Variants in COL23A1 observed in about 807,000 individuals in gnomAD.
The protein encoded by COL23A1 is collagen alpha-1(XXIII) chain.
Under a neutral mutation model 99.3 loss-of-function variants are expected in COL23A1, and 97 were observed. That is an observed-to-expected ratio of 0.98 (90% CI 0.83 to 1.16). The LOEUF is 1.16. Ranked by LOEUF, COL23A1 falls within the 50% of genes most tolerant of loss-of-function variation. The pLI, the probability that COL23A1 is intolerant of heterozygous loss-of-function variation, is 0.00. For missense variants in COL23A1, 762 were observed against 757.4 expected (o/e 1.01, Z -0.07); for synonymous variants, 320 against 308.2 (o/e 1.04, Z -0.40).
At position 178,366,111 on chromosome 5, in the gene COL23A1, CCATCTGTTAAAGCTCCA is replaced by C. The variant is rs1762461982; in HGVS notation, c.362-59209_362-59193del. On this transcript the variant is annotated intron_variant, in intron 2 of 28. Transcript: ENST00000390654. The surrounding 1 kb of genome is among the most constrained non-coding windows in gnomAD (Gnocchi z 4.4). ...AGCATCTGGCCCAGCCCCATGGGGA[CCATCTGTTAAAGCTCCA>C]TCTACCCTACGAGGAGGCGAGTCCC... is the stretch of plus-strand genomic sequence containing the variant. Among the ~76,000 whole-genome samples, 1 of 152,146 alleles carries C rather than the reference CCATCTGTTAAAGCTCCA, an allele frequency of 6.6e-6. No homozygotes were observed. Among genetic ancestry groups the C allele is most frequent in the Non-Finnish European group, 1.5e-5 (1 of 68,018 alleles).
At chr5:178,266,008 G>A (rs1211856823) in intron 8 of COL23A1, among the ~76,000 whole-genome samples, 1 of 152,156 alleles carries the variant, frequency 6.6e-6, no homozygotes, top group African/African-American at 2.4e-5. Flanking sequence ...GGGGCCATGA[G>A]AGATAATGGC....
intron 1 of COL23A1, among the ~76,000 whole-genome samples, chr5:178,577,287 C>T (rs910036690): frequency 2.6e-5 from 4 of 152,164 alleles, no homozygotes; most frequent in African/African-American, 4.8e-5. Context: ...GTGCTGGCCG[C>T]GTCTCCCCTC....
chr5:178,560,219 T>C (rs1382415239), intron 2 of COL23A1, among the ~76,000 whole-genome samples: 2 of 152,170 alleles, frequency 1.3e-5, no homozygotes, highest in Admixed American at 1.3e-4. Flanking sequence ...TCATTGCCTG[T>C]TTCCTTCCTC....
chr5:178,464,216 G>C (rs553609838), intron 2 of COL23A1, among the ~76,000 whole-genome samples: 1 of 152,148 alleles, frequency 6.6e-6, no homozygotes, highest in East Asian at 1.9e-4. Context: ...ACTAACTCCC[G>C]ATTCGGCACT....
intron 2 of COL23A1, among the ~76,000 whole-genome samples, chr5:178,348,643 C>G (rs369444387): frequency 6.6e-6 from 1 of 152,220 alleles, no homozygotes; most frequent in Non-Finnish European, 1.5e-5. Flanking sequence ...GGCTGCAGAG[C>G]ATTCTGCCTC....
chr5:178,459,699 T>G (rs896776423), intron 2 of COL23A1, among the ~76,000 whole-genome samples: 1 of 152,106 alleles, frequency 6.6e-6, no homozygotes, highest in East Asian at 1.9e-4. Flanking sequence ...GAGTTGGAGG[T>G]TGCAGTGAGC....
chr5:178,588,001 A>G (rs951614318), intron 1 of COL23A1, among the ~76,000 whole-genome samples: 22 of 152,216 alleles, frequency 1.4e-4, no homozygotes, highest in Non-Finnish European at 2.9e-4. Context: ...CACTCCACGC[A>G]CAGCATGCGC....
chr5:178,376,075 G>A (rs1473868449), intron 2 of COL23A1, among the ~76,000 whole-genome samples: 1 of 152,078 alleles, frequency 6.6e-6, no homozygotes, highest in Non-Finnish European at 1.5e-5. Flanking sequence ...CCCTGGCCCT[G>A]CCTCCCTACT....
chr5:178,493,652 A>C (rs1758050801), intron 2 of COL23A1, among the ~76,000 whole-genome samples: 1 of 151,826 alleles, frequency 6.6e-6, no homozygotes, highest in Non-Finnish European at 1.5e-5. Context: ...AGGAAAGTTC[A>C]AGGAAAGAGT....
chr5:178,368,055 T>A (rs1053855506), intron 2 of COL23A1, among the ~76,000 whole-genome samples: 1 of 152,140 alleles, frequency 6.6e-6, no homozygotes, highest in African/African-American at 2.4e-5. Context: ...TCAGAAAGGC[T>A]GTGTGTGAGC....
At chr5:178,362,037 C>T (rs1203150018) in intron 2 of COL23A1, among the ~76,000 whole-genome samples, 1 of 152,198 alleles carries the variant, frequency 6.6e-6, no homozygotes, top group East Asian at 1.9e-4. Flanking sequence ...AGCTTCCCTC[C>T]TCCCCTCCTG....
At chr5:178,571,936 C>G (rs541693749) in intron 1 of COL23A1, among the ~76,000 whole-genome samples, 1 of 151,960 alleles carries the variant, frequency 6.6e-6, no homozygotes, top group African/African-American at 2.4e-5. Flanking sequence ...GGTGTGGTGG[C>G]GGGCGCCTGT....
chr5:178,415,249 C>A lies in COL23A1; in HGVS notation c.362-108330G>T, dbSNP rs993500076. On this transcript the variant is annotated intron_variant, in intron 2 of 28. Transcript: ENST00000390654. The surrounding 1 kb of genome is among the most constrained non-coding windows in gnomAD (Gnocchi z 4.6). Reference sequence around the variant, plus strand: ...TTTCTCCAGTGGGGTCCACATGGTGCCAGTTACAGTGCTCAGTGGGGACGA... The same window carrying A: ...TTTCTCCAGTGGGGTCCACATGGTGACAGTTACAGTGCTCAGTGGGGACGA... Among the ~76,000 whole-genome samples the A allele has an allele frequency of 5.3e-5, 8 of 152,188 alleles. No homozygotes were observed. The highest frequency in any genetic ancestry group is 1.9e-4 in the African/African-American group (8 of 41,456).
chr5:178,568,180 T>A (rs1762926663), intron 1 of COL23A1, among the ~76,000 whole-genome samples: 1 of 152,342 alleles, frequency 6.6e-6, no homozygotes, highest in African/African-American at 2.4e-5. Context: ...CTGCTTAATA[T>A]GTCTCAAAAC....
At chr5:178,292,937 G>A (rs191434249) in intron 3 of COL23A1, among the ~76,000 whole-genome samples, 1 of 152,082 alleles carries the variant, frequency 6.6e-6, no homozygotes, top group Admixed American at 6.6e-5. Context: ...TGCACAGGAC[G>A]AAGTAACTGC....
chr5:178,266,465 G>T (rs1755907065), intron 8 of COL23A1, among the ~76,000 whole-genome samples: 1 of 152,010 alleles, frequency 6.6e-6, no homozygotes, highest in African/African-American at 2.4e-5. Context: ...AGGAGGGTTG[G>T]GGGATTGGGA....
intron 2 of COL23A1, among the ~76,000 whole-genome samples, chr5:178,332,638 G>A (rs1173224338): frequency 6.6e-6 from 1 of 152,062 alleles, no homozygotes; most frequent in Admixed American, 6.6e-5. Context: ...AAACAGACTC[G>A]TTCAGCTAAA....
At chr5:178,261,867 C>A in intron 10 of COL23A1, 119 bp from the exon 11 acceptor site, 1 of 896,710 alleles carries the variant, frequency 1.1e-6, no homozygotes, top group South Asian at 1.5e-5. Context: ...GGAGGCTGGG[C>A]TGCCGTCAGA....
chr5:178,371,247 ATCCAAATATC>A (rs1762785306), intron 2 of COL23A1, among the ~76,000 whole-genome samples: 1 of 152,246 alleles, frequency 6.6e-6, no homozygotes, highest in Non-Finnish European at 1.5e-5. Flanking sequence ...TGAAACGCAC[ATCCAAATATC>A]TCCACTTCCC....
Sources: allele counts gnomAD v4.1 joint callset (sites outside exome capture counted in the v4.1 genomes callset), GRCh38; gene constraint gnomAD v4.1.1; non-coding constraint Gnocchi (gnomAD v3.1); transcripts MANE v1.5; gene names NCBI Gene and HGNC (gene_info 2026-07-23, HGNC 2026-07-21).